Variants in TRIM8 observed in about 807,000 individuals in gnomAD.
TRIM8 encodes tripartite motif containing 8, also known as E3 ubiquitin-protein ligase TRIM8.
Under a neutral mutation model 55.7 loss-of-function variants are expected in TRIM8, and 9 were observed. The observed-to-expected ratio is 0.16, with a 90% CI of 0.10 to 0.28. The LOEUF (loss-of-function observed/expected upper bound fraction) is 0.28, where lower values mean the gene tolerates loss of function less well. TRIM8 is among the 10% of genes least tolerant of loss of function. TRIM8 has a pLI of 1.00. For synonymous variants in TRIM8, 335 were observed against 333.3 expected (o/e 1.01, Z -0.06); for missense variants, 556 against 736.4 (o/e 0.76, Z 2.83).
chr10:102,645,253 G>A, intron 1 of TRIM8, 66 bp downstream of exon 1: 1 of 1,414,864 alleles, frequency 7.1e-7, no homozygotes, highest in Non-Finnish European at 9.2e-7. Context: ...CCTCTCTCCC[G>A]CCCCGGGACC....
chr10:102,651,709 A>G (rs1055286649), intron 1 of TRIM8, among the ~76,000 whole-genome samples: 1 of 152,168 alleles, frequency 6.6e-6, no homozygotes, highest in Non-Finnish European at 1.5e-5. Flanking sequence ...TGTCCTCCTG[A>G]GGGTGGGCTT....
At chr10:102,647,499 T>C (rs1265102725) in intron 1 of TRIM8, among the ~76,000 whole-genome samples, 1 of 152,122 alleles carries the variant, frequency 6.6e-6, no homozygotes, top group Admixed American at 6.5e-5. Context: ...TTATTGAATG[T>C]GGAGGAATAG....
intron 1 of TRIM8, 72 bp downstream of exon 1, chr10:102,645,259 G>C: frequency 7.1e-6 from 10 of 1,405,084 alleles, no homozygotes; most frequent in Non-Finnish European, 9.3e-6. Context: ...TCCCGCCCCG[G>C]GACCACCCAT....
Position 102,658,230 on chromosome 10 carries a change from C to A in TRIM8, c.*876C>A, listed in dbSNP as rs1052455663. On this transcript the variant is annotated 3_prime_UTR_variant, in exon 6 of 6. Coordinates refer to ENST00000643721, the MANE Select transcript of TRIM8 (RefSeq NM_030912.3). ...GCACTTTGTATGAATCGTGGACTTC[C>A]TGTTCTCAAGGCGCAGGTATTTATT... The A allele has an allele frequency of 3.9e-5, 6 of 152,228 alleles. No homozygotes were observed. The highest frequency in any genetic ancestry group is 7.3e-5 in the Non-Finnish European group (5 of 68,058). 9.4% of individuals were successfully genotyped at this position (152,228 alleles called of 1,614,324 possible).
rs1210956066 is a variant in TRIM8 at position 102,657,648 on chromosome 10, C to G, written c.*294C>G. ...GAGGCGCTGAGCTCTCTCTCTGTTTCTCCTTTTTTCCTCTACTCCTTCCCC... is the reference window on the plus strand; with the variant it reads ...GAGGCGCTGAGCTCTCTCTCTGTTTGTCCTTTTTTCCTCTACTCCTTCCCC... On this transcript the variant is annotated 3_prime_UTR_variant, in exon 6 of 6. Transcript: ENST00000643721. The G allele has an allele frequency of 1.3e-5, 4 of 306,300 alleles. No individual in the cohort carries two copies. Among genetic ancestry groups the G allele is most frequent in the Non-Finnish European group, 2.4e-5 (4 of 166,302 alleles). 19.0% of individuals were successfully genotyped at this position (306,300 alleles called of 1,614,324 possible). A position where few individuals can be genotyped will look rare whatever the true frequency, so the allele number is the denominator to read the frequency against.
intron 1 of TRIM8, among the ~76,000 whole-genome samples, chr10:102,651,862 C>T (rs1269962196): frequency 6.6e-6 from 1 of 152,222 alleles, no homozygotes; most frequent in East Asian, 1.9e-4. Context: ...TCCAGCCTTC[C>T]CTGTGAGGGG....
At position 102,656,530 on chromosome 10, in the gene TRIM8, G is replaced by A. The variant is rs1449712984; in HGVS notation, c.1048+145G>A. 6 of 1,381,214 alleles carry A rather than the reference G, an allele frequency of 4.3e-6. No homozygotes were observed. The highest frequency in any genetic ancestry group is 5.8e-6 in the Non-Finnish European group (6 of 1,030,984). 85.6% of individuals were successfully genotyped at this position (1,381,214 alleles called of 1,614,324 possible). A position where few individuals can be genotyped will look rare whatever the true frequency, so the allele number is the denominator to read the frequency against. The stretch of plus-strand genomic sequence containing the variant: ...CTTTGCCACTTGTAGCTGTGGGACA[G>A]TGGGTAAGCAACATGACCTCCCCAG... On this transcript the variant is annotated intron_variant, in intron 5 of 5. Transcript: ENST00000643721. This position sits in a 1 kb window ranked among gnomAD's most constrained non-coding sequence, Gnocchi z 4.6.
chr10:102,655,968 CT>C (rs2064019970), intron 3 of TRIM8, 137 bp from the exon 4 acceptor site: 1 of 1,290,364 alleles, frequency 7.7e-7, no homozygotes, highest in Non-Finnish European at 1.1e-6. Flanking sequence ...ACCCCTACCC[CT>C]GCCACTTTCT....
At position 102,645,136 on chromosome 10, in the gene TRIM8, G is replaced by C. The variant is rs1230512566; in HGVS notation, c.519G>C (p.Ala173=). 4 of 1,581,506 alleles carry C rather than the reference G, an allele frequency of 2.5e-6. No individual in the cohort carries two copies. The African/African-American group carries it at 4.1e-5, about 16-fold the overall frequency. Residue 173 remains alanine (A), a synonymous_variant, in exon 1 of 6, where the codon GCG becomes GCC. Transcript: ENST00000643721. ...VCQYCCYYSG[A]HQGHSVCDVE... ...AGTACTGCTGCTACTACAGCGGCGC[G>C]CATCAGGGACACTCGGTGTGCGACG... is the stretch of plus-strand genomic sequence containing the variant.
intron 1 of TRIM8, among the ~76,000 whole-genome samples, chr10:102,652,193 A>G (rs1252614025): frequency 6.6e-6 from 1 of 152,058 alleles, no homozygotes; most frequent in African/African-American, 2.4e-5. Flanking sequence ...TCACCCCCAC[A>G]CTTCCTCCTG....
chr10:102,651,142 C>G (rs2063981805), intron 1 of TRIM8, among the ~76,000 whole-genome samples: 1 of 152,218 alleles, frequency 6.6e-6, no homozygotes. Flanking sequence ...GCAGCAGAGA[C>G]AGGAGCCCAG....
rs34519135 is a variant in TRIM8 at position 102,656,949 on chromosome 10, G to A, written c.1251G>A (p.Gly417=). 5 of 1,611,184 alleles carry A rather than the reference G, an allele frequency of 3.1e-6. No homozygotes were observed. The highest frequency in any genetic ancestry group is 4.2e-6 in the Non-Finnish European group (5 of 1,178,878). Residue 417 remains glycine (G), a synonymous_variant, in exon 6 of 6, where the codon GGG becomes GGA. Coordinates refer to ENST00000643721, the MANE Select transcript of TRIM8 (RefSeq NM_030912.3). The surrounding 1 kb of genome is among the most constrained non-coding windows in gnomAD (Gnocchi z 4.6). The part of the protein sequence containing the change: ...SGEGQSGQPL[G]PCSSTQHLVA... The stretch of plus-strand genomic sequence containing the variant: ...AGGGCCAGTCTGGGCAGCCCCTGGG[G>A]CCCTGCAGCTCCACGCAGCACTTGG...
At chr10:102,649,574 G>C (rs984526654) in intron 1 of TRIM8, among the ~76,000 whole-genome samples, 2 of 152,228 alleles carry the variant, frequency 1.3e-5, no homozygotes, top group Admixed American at 1.3e-4. Context: ...GCCAGACAAA[G>C]GGGGGCTTTC....
chr10:102,657,445 C>G lies in TRIM8; in HGVS notation c.*91C>G, dbSNP rs1340521905. On this transcript the variant is annotated 3_prime_UTR_variant, in exon 6 of 6. Coordinates refer to ENST00000643721, the MANE Select transcript of TRIM8 (RefSeq NM_030912.3). Reference sequence around the variant, plus strand: ...TCCAGAGACCTGCCCTTCTACCTTCCTCGCCTCCCCTCTTCCTCATTCCAT... The same window carrying G: ...TCCAGAGACCTGCCCTTCTACCTTCGTCGCCTCCCCTCTTCCTCATTCCAT... 1.4e-6 allele frequency: 2 copies of G among 1,412,154 alleles called. No homozygotes were observed. Among genetic ancestry groups the G allele is most frequent in the Non-Finnish European group, 1.9e-6 (2 of 1,053,842 alleles). 87.5% of individuals were successfully genotyped at this position (1,412,154 alleles called of 1,614,324 possible). A position where few individuals can be genotyped will look rare whatever the true frequency, so the allele number is the denominator to read the frequency against.
At chr10:102,649,591 G>A (rs375314606) in intron 1 of TRIM8, among the ~76,000 whole-genome samples, 2 of 152,302 alleles carry the variant, frequency 1.3e-5, no homozygotes, top group African/African-American at 4.8e-5. Context: ...TTTCTCTCTC[G>A]CCTCTTTGTT....
At chr10:102,645,948 G>C (rs2063931599) in intron 1 of TRIM8, 1 of 152,284 alleles carries the variant, frequency 6.6e-6, no homozygotes, top group South Asian at 2.1e-4. Context: ...CACATTTGGG[G>C]AGGGGAAGTG....
intron 1 of TRIM8, among the ~76,000 whole-genome samples, chr10:102,647,266 G>A (rs1343901844): frequency 2.0e-5 from 3 of 152,308 alleles, no homozygotes; most frequent in East Asian, 1.9e-4. Context: ...GCGTGCATGC[G>A]CGTGCTTTCT....
chr10:102,656,759 C>T lies in TRIM8; in HGVS notation c.1061C>T (p.Thr354Met), dbSNP rs1466823787. The T allele has an allele frequency of 1.3e-6, 2 of 1,511,474 alleles. No individual in the cohort carries two copies. The highest frequency in any genetic ancestry group is 2.8e-5 in the African/African-American group (2 of 71,484). 93.6% of individuals were successfully genotyped at this position (1,511,474 alleles called of 1,614,324 possible). ...LRKMLEGPFS[T>M]PVPFLQSVPL... ...CAACTCTCCACAGGCCCCTTCAGCACGCCGGTGCCCTTCCTGCAGAGTGTC... is the reference window on the plus strand; with the variant it reads ...CAACTCTCCACAGGCCCCTTCAGCATGCCGGTGCCCTTCCTGCAGAGTGTC... Residue 354 changes from threonine (T) to methionine (M), a missense_variant, in exon 6 of 6, where the codon ACG becomes ATG. Transcript: ENST00000643721. This position sits in a 1 kb window ranked among gnomAD's most constrained non-coding sequence, Gnocchi z 4.6.
intron 1 of TRIM8, among the ~76,000 whole-genome samples, chr10:102,647,251 C>T (rs953873203): frequency 2.6e-5 from 4 of 152,082 alleles, no homozygotes; most frequent in South Asian, 2.1e-4. Context: ...CGTGTGTGTG[C>T]GTGCGCGTGC....
Sources: allele counts gnomAD v4.1 joint callset (sites outside exome capture counted in the v4.1 genomes callset), GRCh38; gene constraint gnomAD v4.1.1; non-coding constraint Gnocchi (gnomAD v3.1); transcripts MANE v1.5; gene names NCBI Gene and HGNC (gene_info 2026-07-23, HGNC 2026-07-21).